VPS33A: variants seen among roughly 807,000 people sequenced by gnomAD.
VPS33A encodes the protein VPS33A core subunit of CORVET and HOPS complexes, also known as vacuolar protein sorting-associated protein 33A.
A neutral mutation model predicts 71.8 loss-of-function variants in VPS33A; 32 were observed. The observed-to-expected ratio is 0.45, with a 90% CI of 0.34 to 0.60. The LOEUF (loss-of-function observed/expected upper bound fraction) is 0.60. Among genes scored for constraint, VPS33A ranks in the 20% least tolerant of loss-of-function variants. The pLI is 0.02. For synonymous variants in VPS33A, 311 were observed against 292.7 expected (o/e 1.06, Z -0.64); for missense variants, 625 against 748.5 (o/e 0.84, Z 1.92).
chr12:122,263,763 C>A, intron 2 of VPS33A, 64 bp from the exon 3 acceptor site: 1 of 1,489,924 alleles, frequency 6.7e-7, no homozygotes, highest in Non-Finnish European at 9.0e-7. Context: ...TTTTCAGACT[C>A]AGAAATCATA....
At chr12:122,241,157 AAGCT>A (rs1954709135) in intron 8 of VPS33A, 1 of 151,950 alleles carries the variant, frequency 6.6e-6, no homozygotes, top group African/African-American at 2.4e-5. Flanking sequence ...AAAAGAAAAA[AAGCT>A]AGACTAAAAA....
intron 7 of VPS33A, 32 bp downstream of exon 7, chr12:122,244,537 A>G: frequency 6.4e-7 from 1 of 1,561,820 alleles, no homozygotes; most frequent in Non-Finnish European, 8.7e-7. Context: ...TGAGGCCTAG[A>G]GTTGCAGAAT....
At chr12:122,250,592 G>A (rs952744907) in intron 5 of VPS33A, among the ~76,000 whole-genome samples, 2 of 152,064 alleles carry the variant, frequency 1.3e-5, no homozygotes, top group African/African-American at 2.4e-5. Context: ...CAAGACACCC[G>A]ACTGCACCTC....
rs766623375 is a variant in VPS33A at position 122,239,860 on chromosome 12, G to A, written c.1164+18C>T. On this transcript the variant is annotated intron_variant, in intron 9 of 12. Transcript: ENST00000267199. The stretch of plus-strand genomic sequence containing the variant: ...AAGCTTTCAATTACTTGTTAAAGAG[G>A]TTTTTTTGTCCACATACCTTATCAG... 1 of 1,587,552 alleles carries A rather than the reference G, an allele frequency of 6.3e-7. No individual in the cohort carries two copies. Among genetic ancestry groups the A allele is most frequent in the South Asian group, 1.1e-5 (1 of 89,450 alleles).
rs1276461159 is a variant in VPS33A at position 122,261,273 on chromosome 12, C to G, written c.471G>C (p.Glu157Asp). ...FDGDLLSMES[E>D]GAFKECYLEG... ...ATGCCAAACTTACTTTGAATGCACC[C>G]TCTGATTCCATGGATAAGAGATCCC... Residue 157 changes from glutamate (E) to aspartate (D), a missense_variant, in exon 4 of 13, where the codon GAG (glutamate) becomes GAC (aspartate). Transcript: ENST00000267199. 2 of 1,605,302 alleles carry G rather than the reference C, an allele frequency of 1.2e-6. No homozygotes were observed. Among genetic ancestry groups the G allele is most frequent in the East Asian group, 4.5e-5 (2 of 44,802 alleles).
chr12:122,264,133 C>T lies in VPS33A; in HGVS notation c.168+1G>A. 2 of 1,537,068 alleles carry T rather than the reference C, an allele frequency of 1.3e-6. No homozygotes were observed. The highest frequency in any genetic ancestry group is 1.3e-5 in the South Asian group (1 of 78,560). ...TAACAAAACCCAAATAGCTCATTTA[C>T]CTTCAATAGTGAATACTGTGCAATC... is the stretch of plus-strand genomic sequence containing the variant. On this transcript the variant is annotated splice_donor_variant, in intron 2 of 12. Transcript: ENST00000267199. LOFTEE classifies it high-confidence loss of function.
intron 3 of VPS33A, among the ~76,000 whole-genome samples, 188 bp from the exon 4 acceptor site, chr12:122,261,635 A>G (rs931948697): frequency 1.3e-5 from 2 of 151,944 alleles, no homozygotes; most frequent in Admixed American, 6.6e-5. Flanking sequence ...TTGGGAGGCC[A>G]AGGCGGGCGG....
chr12:122,260,559 A>G (rs567175791), intron 4 of VPS33A, among the ~76,000 whole-genome samples: 2 of 152,230 alleles, frequency 1.3e-5, no homozygotes, highest in East Asian at 1.9e-4. Flanking sequence ...TCAGCCTCCT[A>G]AAGTGCTAGG....
chr12:122,261,067 T>C (rs995818262), intron 4 of VPS33A, among the ~76,000 whole-genome samples, 194 bp downstream of exon 4: 8 of 152,144 alleles, frequency 5.3e-5, no homozygotes, highest in Non-Finnish European at 1.0e-4. Context: ...ATGATCAACA[T>C]CCAGAATATA....
chr12:122,237,568 G>A (rs1297838940), intron 10 of VPS33A, among the ~76,000 whole-genome samples: 3 of 129,830 alleles, frequency 2.3e-5, no homozygotes, highest in Admixed American at 8.9e-5. Flanking sequence ...ACGGAGTCTC[G>A]CTCTGTCGCC....
At chr12:122,259,486 T>C (rs1055629399) in intron 4 of VPS33A, among the ~76,000 whole-genome samples, 10 of 152,130 alleles carry the variant, frequency 6.6e-5, no homozygotes, top group African/African-American at 1.9e-4. Context: ...CCCAAAGTGC[T>C]AGGATCACAG....
At chr12:122,253,164 G>A (rs1014962923) in intron 4 of VPS33A, 28 of 152,218 alleles carry the variant, frequency 1.8e-4, no homozygotes, top group African/African-American at 4.3e-4. Flanking sequence ...ATATTTTAAC[G>A]TTTCCCTGAA....
chr12:122,243,898 G>A (rs916289223), intron 7 of VPS33A, among the ~76,000 whole-genome samples: 30 of 152,070 alleles, frequency 2.0e-4, no homozygotes, highest in African/African-American at 7.0e-4. Flanking sequence ...CATCCTGGGA[G>A]ACAAAGCGAG....
intron 9 of VPS33A, among the ~76,000 whole-genome samples, chr12:122,239,012 CACACACACA>C (rs1474705201): frequency 1.1e-4 from 16 of 151,832 alleles, no homozygotes; most frequent in Non-Finnish European, 1.3e-4. Context: ...CACACACACA[CACACACACA>C]CCCCCCAGTG....
chr12:122,234,513 A>C (rs1954604300), intron 11 of VPS33A, among the ~76,000 whole-genome samples: 1 of 151,940 alleles, frequency 6.6e-6, no homozygotes, highest in Non-Finnish European at 1.5e-5. Context: ...GCTGGTCTTG[A>C]ACTCCTGACC....
chr12:122,232,478 C>A, intron 12 of VPS33A, 51 bp from the exon 13 acceptor site: 1 of 1,486,434 alleles, frequency 6.7e-7, no homozygotes, highest in South Asian at 1.3e-5. Context: ...TAATGCTTCT[C>A]TTCCCACCTC....
rs769849646 is a variant in VPS33A at position 122,244,569 on chromosome 12, C to A, written c.969G>T (p.Glu323Asp). 2 of 1,589,510 alleles carry A rather than the reference C, an allele frequency of 1.3e-6. No individual in the cohort carries two copies. The highest frequency in any genetic ancestry group is 1.3e-5 in the African/African-American group (1 of 74,662). ...GAATGACACCCAAAACTTGCCTCAC[C>A]TCGAATGCTGCAGAGATGATCTTTG... ...KKAKIISAAF[E>D]ERHNAKTVGE... The change falls in exon 7 of 13, where the codon GAG becomes GAT. Residue 323 changes from glutamate (E) to aspartate (D), a missense_variant and splice_region_variant. Transcript: ENST00000267199.
intron 11 of VPS33A, among the ~76,000 whole-genome samples, chr12:122,233,876 A>C (rs1954596860): frequency 6.6e-6 from 1 of 152,198 alleles, no homozygotes; most frequent in South Asian, 2.1e-4. Context: ...AAAGGTCAGA[A>C]CAGTGAAGAC....
In VPS33A at chr12:122,266,446, G is replaced by C; in HGVS notation, c.-38C>G. 2 of 1,590,698 alleles carry C rather than the reference G, an allele frequency of 1.3e-6. No homozygotes were observed. The highest frequency in any genetic ancestry group is 1.7e-6 in the Non-Finnish European group (2 of 1,163,206). On this transcript the variant is annotated 5_prime_UTR_variant, in exon 1 of 13. Coordinates refer to ENST00000267199, the MANE Select transcript of VPS33A (RefSeq NM_022916.6). Reference sequence around the variant, plus strand: ...CCCCCTGCCCCACAACGCCAACCGAGTCCGCCGGTTCCTACGGGAGGACCA... The same window carrying C: ...CCCCCTGCCCCACAACGCCAACCGACTCCGCCGGTTCCTACGGGAGGACCA...
Sources: allele counts gnomAD v4.1 joint callset (sites outside exome capture counted in the v4.1 genomes callset), GRCh38; gene constraint gnomAD v4.1.1; transcripts MANE v1.5; gene names NCBI Gene and HGNC (gene_info 2026-07-23, HGNC 2026-07-21).